CDH13: variants seen among roughly 807,000 people sequenced by gnomAD.
The protein encoded by CDH13 is cadherin 13, also known as cadherin-13.
In CDH13, 24 loss-of-function variants were observed where a neutral mutation model predicts 63.8. The ratio of observed to expected loss-of-function variants is 0.38; its 90% CI spans 0.27 to 0.53. The LOEUF is 0.53. CDH13 is among the 20% of genes least tolerant of loss of function. The probability of loss-of-function intolerance (pLI) is 0.85; values close to 1 mark genes in which losing one functional copy is unlikely to be tolerated. For synonymous variants in CDH13, 503 were observed against 355.3 expected (o/e 1.42, Z -4.67); for missense variants, 1,049 against 903.1 (o/e 1.16, Z -2.07).
At chr16:83,375,153 C>T (rs150495972) in intron 6 of CDH13, among the ~76,000 whole-genome samples, 1 of 152,350 alleles carries the variant, frequency 6.6e-6, no homozygotes, top group South Asian at 2.1e-4. Flanking sequence ...ATTGGTTTCA[C>T]TGTACTACTC....
At position 82,996,254 on chromosome 16, in the gene CDH13, G is replaced by C. The variant is rs549254481; in HGVS notation, c.158-35756G>C. ...AAATCAGTTGAGAAGTAATGAAAATGGTAAGAAAAAGAAAAAAAAAGAGTA... is the reference window on the plus strand; with the variant it reads ...AAATCAGTTGAGAAGTAATGAAAATCGTAAGAAAAAGAAAAAAAAAGAGTA... On this transcript the variant is annotated intron_variant, in intron 2 of 13. Coordinates refer to ENST00000567109, the MANE Select transcript of CDH13 (RefSeq NM_001257.5). Among the ~76,000 whole-genome samples the C allele has an allele frequency of 1.2e-3, 184 of 151,922 alleles. 3 individuals carry two copies. Among genetic ancestry groups the C allele is most frequent in the Middle Eastern group, 6.8e-3 (2 of 294 alleles).
At chr16:82,820,366 C>G (rs528305619) in intron 1 of CDH13, among the ~76,000 whole-genome samples, 11 of 152,272 alleles carry the variant, frequency 7.2e-5, no homozygotes, top group African/African-American at 2.2e-4. Context: ...GTTCTAAATG[C>G]TTCATGGATA....
chr16:83,397,026 A>G (rs1452585650), intron 6 of CDH13, among the ~76,000 whole-genome samples: 4 of 152,150 alleles, frequency 2.6e-5, no homozygotes, highest in African/African-American at 7.2e-5. Context: ...AGCCTTGGCT[A>G]AAAAGCCTGC....
chr16:83,116,444 G>A (rs2151629512), intron 3 of CDH13, among the ~76,000 whole-genome samples: 1 of 152,302 alleles, frequency 6.6e-6, no homozygotes, highest in East Asian at 1.9e-4. Context: ...GGAAGCCAGG[G>A]GGCTGACCTT....
intron 2 of CDH13, chr16:82,953,198 T>C (rs1473527846): frequency 1.3e-5 from 2 of 152,228 alleles, no homozygotes; most frequent in Non-Finnish European, 2.9e-5. Context: ...GGATATTTCA[T>C]TGTGAAAAGG....
At chr16:83,691,071 CGTGTGTGT>C (rs58023339) in intron 10 of CDH13, among the ~76,000 whole-genome samples, 12,382 of 140,856 alleles carry the variant, frequency 0.088, 586 homozygotes, top group Middle Eastern at 0.11. Context: ...CCAACTGTGC[CGTGTGTGT>C]GTGTGTGTGT....
chr16:82,680,525 T>C (rs1429134345), intron 1 of CDH13, among the ~76,000 whole-genome samples: 3 of 152,130 alleles, frequency 2.0e-5, no homozygotes, highest in African/African-American at 7.2e-5. Flanking sequence ...AGATTATTTC[T>C]GCGCTCCAAA....
intron 5 of CDH13, among the ~76,000 whole-genome samples, chr16:83,228,839 A>T (rs1279756713): frequency 6.6e-6 from 1 of 152,182 alleles, no homozygotes; most frequent in Non-Finnish European, 1.5e-5. Context: ...TGACATGATC[A>T]GATTTGGATT....
chr16:82,648,878 T>C (rs1910408614), intron 1 of CDH13, among the ~76,000 whole-genome samples: 1 of 152,214 alleles, frequency 6.6e-6, no homozygotes, highest in Non-Finnish European at 1.5e-5. Flanking sequence ...GTGTGGAAGA[T>C]GGATTGAATC....
chr16:83,014,670 G>T (rs1244264057), intron 2 of CDH13, among the ~76,000 whole-genome samples: 3 of 144,796 alleles, frequency 2.1e-5, no homozygotes. Context: ...GGCAGAGGTT[G>T]CAGTGAGCTG....
At chr16:83,062,338 T>G (rs1478435143) in intron 3 of CDH13, among the ~76,000 whole-genome samples, 2 of 152,200 alleles carry the variant, frequency 1.3e-5, no homozygotes, top group African/African-American at 2.4e-5. Context: ...CGTTGTTTCT[T>G]TTTTTGTTTT....
chr16:83,545,664 C>G (rs566156623), intron 7 of CDH13, among the ~76,000 whole-genome samples: 4 of 152,268 alleles, frequency 2.6e-5, no homozygotes, highest in East Asian at 3.9e-4. Flanking sequence ...CAGACCTCCT[C>G]TGCCATCCTT....
intron 3 of CDH13, among the ~76,000 whole-genome samples, chr16:83,098,338 G>A (rs2034305409): frequency 6.6e-6 from 1 of 152,070 alleles, no homozygotes; most frequent in East Asian, 1.9e-4. Context: ...TTGCTCATAG[G>A]TTGTAAACTC....
chr16:83,611,133 AGTTGG>A (rs1273784834), intron 8 of CDH13, among the ~76,000 whole-genome samples: 5 of 151,904 alleles, frequency 3.3e-5, no homozygotes, highest in Non-Finnish European at 7.4e-5. Flanking sequence ...CCATTTTTTA[AGTTGG>A]GTTATTAGTC....
chr16:83,787,858 G>T (rs530594419), intron 13 of CDH13, among the ~76,000 whole-genome samples: 2 of 152,104 alleles, frequency 1.3e-5, no homozygotes, highest in African/African-American at 4.8e-5. Context: ...CAGGAGAATC[G>T]CTTGAACCTG....
chr16:82,758,277 G>A (rs897979916), intron 1 of CDH13, among the ~76,000 whole-genome samples: 1 of 152,236 alleles, frequency 6.6e-6, no homozygotes, highest in South Asian at 2.1e-4. Context: ...GAGAAGTAAG[G>A]GTGATGAGAA....
intron 6 of CDH13, among the ~76,000 whole-genome samples, chr16:83,369,419 G>C (rs1567622501): frequency 6.6e-6 from 1 of 151,792 alleles, no homozygotes; most frequent in Non-Finnish European, 1.5e-5. Context: ...GACCCTTCTA[G>C]TGTTTTGTTT....
intron 3 of CDH13, among the ~76,000 whole-genome samples, chr16:83,039,855 G>T (rs1917185104): frequency 6.6e-6 from 1 of 152,014 alleles, no homozygotes; most frequent in African/African-American, 2.4e-5. Flanking sequence ...TTCCACTGAG[G>T]TTCCACCTAC....
chr16:82,731,029 T>C (rs1172174826), intron 1 of CDH13, among the ~76,000 whole-genome samples: 2 of 152,220 alleles, frequency 1.3e-5, no homozygotes, highest in African/African-American at 4.8e-5. Flanking sequence ...GAAATCTATA[T>C]AATGGGGAAC....
Sources: gnomAD v4.1 joint callset for allele counts (sites outside exome capture counted in the v4.1 genomes callset) on GRCh38, gnomAD v4.1.1 for gene constraint, MANE v1.5 for transcripts, NCBI Gene and HGNC (gene_info 2026-07-23, HGNC 2026-07-21) for gene names.